EPRS1: variants seen among roughly 807,000 people sequenced by gnomAD.
EPRS1 encodes bifunctional glutamate/proline--tRNA ligase.
In EPRS1, 107 loss-of-function variants were observed where a neutral mutation model predicts 188.3. The ratio of observed to expected loss-of-function variants is 0.57; its 90% CI spans 0.49 to 0.67. The LOEUF is 0.67. Among genes scored for constraint, EPRS1 ranks in the 30% least tolerant of loss-of-function variants. The probability of loss-of-function intolerance (pLI) is 0.00; values close to 1 mark genes in which losing one functional copy is unlikely to be tolerated. For missense variants in EPRS1, 1,577 were observed against 1,802.2 expected, an observed-to-expected ratio of 0.88 and a Z score of 2.26; for synonymous variants, 596 against 593.1, an observed-to-expected ratio of 1.00 and a Z score of -0.07.
Position 219,968,662 on chromosome 1 carries a change from A to T in EPRS1, c.*144T>A. 1.4e-6 allele frequency: 1 copy of T among 702,334 alleles called. No individual in the cohort carries two copies. The highest frequency in any genetic ancestry group is 2.4e-6 in the Non-Finnish European group (1 of 421,798). 43.5% of individuals were successfully genotyped at this position (702,334 alleles called of 1,614,324 possible). A position where few individuals can be genotyped will look rare whatever the true frequency, so the allele number is the denominator to read the frequency against. On this transcript the variant is annotated 3_prime_UTR_variant, in exon 32 of 32. Coordinates refer to ENST00000366923, the MANE Select transcript of EPRS1 (RefSeq NM_004446.3). ...AAAGTCTTTTATCCACTGTTAACTT[A>T]GGCATAAGAATAATTGTCCTGTGTG... is the stretch of plus-strand genomic sequence containing the variant.
In EPRS1 at chr1:219,978,739, CCAAATGTATG is replaced by C; in HGVS notation, c.3910-30_3910-21del. ...CACCACCTAGAATCAGCACAATGTCCCAAATGTATGCAAAGAAACAGATATAGAAGTAATG... is the reference window on the plus strand; with the variant it reads ...CACCACCTAGAATCAGCACAATGTCCCAAAGAAACAGATATAGAAGTAATG... On this transcript the variant is annotated intron_variant, in intron 27 of 31. Transcript: ENST00000366923. 1 of 1,587,472 alleles carries C rather than the reference CCAAATGTATG, an allele frequency of 6.3e-7. No individual in the cohort carries two copies. Among genetic ancestry groups the C allele is most frequent in the Admixed American group, 1.8e-5 (1 of 56,776 alleles).
At position 220,033,402 on chromosome 1, in the gene EPRS1, C is replaced by G. The variant is rs978976037; in HGVS notation, c.388+100G>C. ...GTTACTGTCTAAACATATATATACA[C>G]ACACATATACATACATGCATACACA... On this transcript the variant is annotated intron_variant, in intron 4 of 31. Coordinates refer to ENST00000366923, the MANE Select transcript of EPRS1 (RefSeq NM_004446.3). 5.1e-6 allele frequency: 4 copies of G among 789,668 alleles called. No homozygotes were observed. In the African/African-American group the frequency reaches 7.1e-5, roughly 14 times the overall value. 48.9% of individuals were successfully genotyped at this position (789,668 alleles called of 1,614,324 possible). A position where few individuals can be genotyped will look rare whatever the true frequency, so the allele number is the denominator to read the frequency against.
At chr1:220,018,327 G>A in intron 12 of EPRS1, 122 bp downstream of exon 12, 1 of 983,372 alleles carries the variant, frequency 1.0e-6, no homozygotes. Flanking sequence ...TTTCCTGAAA[G>A]TCTGCAAAAT....
chr1:220,017,439 T>C (rs1483894329), intron 12 of EPRS1, among the ~76,000 whole-genome samples: 1 of 152,196 alleles, frequency 6.6e-6, no homozygotes, highest in East Asian at 1.9e-4. Context: ...TAATGAAAAG[T>C]ACACCAGTGT....
intron 12 of EPRS1, among the ~76,000 whole-genome samples, chr1:220,013,168 C>T (rs932453613): frequency 1.3e-5 from 2 of 152,120 alleles, no homozygotes; most frequent in African/African-American, 4.8e-5. Context: ...AATCTTAACA[C>T]TTAAATAAAA....
At chr1:219,975,467 G>T (rs899510656) in intron 28 of EPRS1, among the ~76,000 whole-genome samples, 3 of 151,986 alleles carry the variant, frequency 2.0e-5, no homozygotes, top group African/African-American at 7.3e-5. Flanking sequence ...ATGGAGTTTC[G>T]CTCTTGTCAC....
chr1:219,986,783 ATGTGTGTGTGTG>A lies in EPRS1; in HGVS notation c.3038+347_3038+358del, dbSNP rs55845197. ...TTAAAAAGGAGGAGAGAAAATATGT[ATGTGTGTGTGTG>A]TGTGTGTGTGTATCTGTATTTACTT... On this transcript the variant is annotated intron_variant, in intron 20 of 31. Transcript: ENST00000366923. Among the ~76,000 whole-genome samples, 3 of 150,156 alleles carry A rather than the reference ATGTGTGTGTGTG, an allele frequency of 2.0e-5. No homozygotes were observed. In the Admixed American group the frequency reaches 2.0e-4, roughly 10 times the overall value.
intron 18 of EPRS1, among the ~76,000 whole-genome samples, chr1:219,991,101 T>A (rs1010399044): frequency 7.3e-5 from 11 of 151,630 alleles, no homozygotes. Context: ...GAAAGTTAAA[T>A]AAAATGGAGA....
intron 6 of EPRS1, among the ~76,000 whole-genome samples, chr1:220,026,712 A>T (rs183868680): frequency 5.0e-4 from 76 of 151,362 alleles, no homozygotes; most frequent in African/African-American, 1.8e-3. Context: ...TTGTATTTTT[A>T]GTAGAGACGG....
intron 6 of EPRS1, among the ~76,000 whole-genome samples, chr1:220,029,767 A>C (rs1187531589): frequency 6.6e-6 from 1 of 152,232 alleles, no homozygotes; most frequent in Non-Finnish European, 1.5e-5. Context: ...ACAGGTGTGC[A>C]AAGACAAAGA....
chr1:220,039,360 T>C (rs550034865), intron 2 of EPRS1, among the ~76,000 whole-genome samples: 3 of 152,294 alleles, frequency 2.0e-5, no homozygotes, highest in African/African-American at 7.2e-5. Context: ...CTCTCAAAGC[T>C]AGACCTCTAG....
chr1:219,971,890 AAAAC>A (rs1260006605), intron 30 of EPRS1, among the ~76,000 whole-genome samples, 175 bp downstream of exon 30: 1 of 149,518 alleles, frequency 6.7e-6, no homozygotes, highest in East Asian at 1.9e-4. Flanking sequence ...ATATAAATGT[AAAAC>A]AAAGACTATA....
chr1:219,984,900 C>T lies in EPRS1; in HGVS notation c.3039-643G>A, dbSNP rs186868176. On this transcript the variant is annotated intron_variant, in intron 20 of 31. Transcript: ENST00000366923. ...TCTACTAAAAACAAAATGAGCCAGG[C>T]GTGGTGGCGCATGCTTGTAATCCCA... 5.5e-4 allele frequency among the ~76,000 whole-genome samples: 84 copies of T among 152,034 alleles called. 1 individual carries two copies. The highest frequency in any genetic ancestry group is 1.9e-3 in the African/African-American group (80 of 41,482).
At chr1:219,973,527 A>G in intron 28 of EPRS1, 129 bp from the exon 29 acceptor site, 1 of 415,902 alleles carries the variant, frequency 2.4e-6, no homozygotes, top group Admixed American at 5.9e-5. Flanking sequence ...CAAAAAAAAC[A>G]AGAGAAAAAA....
intron 6 of EPRS1, among the ~76,000 whole-genome samples, chr1:220,028,186 T>C (rs573249095): frequency 6.6e-6 from 1 of 152,304 alleles, no homozygotes; most frequent in South Asian, 2.1e-4. Context: ...ACTTTTAACT[T>C]GAGGGCGTTG....
chr1:219,972,272 C>T (rs1660682549), intron 29 of EPRS1, 125 bp from the exon 30 acceptor site: 2 of 569,598 alleles, frequency 3.5e-6, no homozygotes, highest in Admixed American at 3.2e-5. Flanking sequence ...ATTTGAATCT[C>T]AAGTCTATCA....
chr1:220,008,024 T>C (rs1240537959), intron 13 of EPRS1, among the ~76,000 whole-genome samples: 4 of 151,344 alleles, frequency 2.6e-5, no homozygotes, highest in Non-Finnish European at 4.4e-5. Flanking sequence ...GGAGAATCAC[T>C]TGAACCTGGG....
intron 16 of EPRS1, among the ~76,000 whole-genome samples, chr1:220,002,838 TA>T (rs1661387115): frequency 6.6e-6 from 1 of 152,132 alleles, no homozygotes; most frequent in Admixed American, 6.5e-5. Context: ...CCCTGTCTCT[TA>T]AAAAAATAAT....
At chr1:219,992,310 C>T (rs550919739) in intron 18 of EPRS1, among the ~76,000 whole-genome samples, 93 of 152,306 alleles carry the variant, frequency 6.1e-4, no homozygotes, top group African/African-American at 2.2e-3. Flanking sequence ...GCTGCAACTA[C>T]AGAAGCAAAT....
Sources: gnomAD v4.1 joint callset for allele counts (sites outside exome capture counted in the v4.1 genomes callset) on GRCh38, gnomAD v4.1.1 for gene constraint, MANE v1.5 for transcripts, NCBI Gene and HGNC (gene_info 2026-07-23, HGNC 2026-07-21) for gene names.